KLHL5: variants seen among roughly 807,000 people sequenced by gnomAD.
The protein encoded by KLHL5 is kelch like family member 5.
Under a neutral mutation model 77.7 loss-of-function variants are expected in KLHL5, and 48 were observed. The observed-to-expected ratio is 0.62, with a 90% confidence interval of 0.49 to 0.79. The LOEUF is 0.79. Among genes scored for constraint, KLHL5 ranks in the 30% least tolerant of loss-of-function variants. The pLI, the probability that KLHL5 is intolerant of heterozygous loss-of-function variation, is 0.00. For missense variants in KLHL5, 723 were observed against 859.7 expected (o/e 0.84, Z 1.99); for synonymous variants, 260 against 297.0 (o/e 0.88, Z 1.28).
chr4:39,117,340 G>A (rs112430080), intron 10 of KLHL5, among the ~76,000 whole-genome samples: 2,854 of 152,220 alleles, frequency 0.019, 78 homozygotes, highest in African/African-American at 0.064. Flanking sequence ...AAAGAATGGG[G>A]ATGTGTGAAG....
chr4:39,128,148 C>T (rs1245114395), downstream of KLHL5, among the ~76,000 whole-genome samples: 17 of 152,008 alleles, frequency 1.1e-4, no homozygotes, highest in South Asian at 4.2e-4. Context: ...CCACATATGG[C>T]GGTATATTTT....
intron 5 of KLHL5, chr4:39,093,138 A>C: frequency 2.2e-6 from 1 of 455,964 alleles, no homozygotes. Flanking sequence ...AGATAAAATG[A>C]GGAGTACCCC....
Position 39,124,235 on chromosome 4 carries a change from C to A in KLHL5, c.*3169C>A, listed in dbSNP as rs1723389654. Among the ~76,000 whole-genome samples the A allele has an allele frequency of 6.6e-6, 1 of 152,100 alleles. No homozygotes were observed. Among genetic ancestry groups the A allele is most frequent in the South Asian group, 2.1e-4 (1 of 4,824 alleles). On this transcript the variant is annotated 3_prime_UTR_variant, in exon 11 of 11. Transcript: ENST00000504108. ...AACATTGTTAAGATGGCATTACTCC[C>A]AAAATTAGTCTATAGATTTAATACA...
rs140007123 is a variant in KLHL5 at position 39,121,015 on chromosome 4, T to C, written c.2079T>C (p.Ala693=). ...TATCTCTTTTTCCTTTTTAGGTTGC[T>C]CCACTGTGCCTAGGAAGAGCTGGAG... ...DPQTNEWTQV[A]PLCLGRAGAC... Residue 693 remains alanine (A), a synonymous_variant, in exon 11 of 11, where the codon GCT becomes GCC. Transcript: ENST00000504108. 2.9e-4 allele frequency: 469 copies of C among 1,612,970 alleles called. No homozygotes were observed. The highest frequency in any genetic ancestry group is 3.8e-4 in the Non-Finnish European group (451 of 1,179,008).
At chr4:39,059,002 G>C (rs1408716632), upstream of KLHL5, among the ~76,000 whole-genome samples, 1 of 152,152 alleles carries the variant, frequency 6.6e-6, no homozygotes, top group East Asian at 1.9e-4. Context: ...AATTTACAGA[G>C]AGTAGTCAGT....
At chr4:39,143,059 G>A in the KLHL5 span, among the ~76,000 whole-genome samples, 1 of 152,114 alleles carries the variant, frequency 6.6e-6, no homozygotes, top group Non-Finnish European at 1.5e-5. Context: ...ACACACAAGT[G>A]CATATGTAAC....
intron 1 of KLHL5, among the ~76,000 whole-genome samples, chr4:39,049,780 G>A (rs1231618611): frequency 6.6e-6 from 1 of 151,952 alleles, no homozygotes; most frequent in African/African-American, 2.4e-5. Context: ...AGGATAAAAA[G>A]ATAAATGAGG....
chr4:39,131,365 A>C, downstream of KLHL5, among the ~76,000 whole-genome samples: 1 of 152,228 alleles, frequency 6.6e-6, no homozygotes, highest in East Asian at 1.9e-4. Flanking sequence ...GAAATGGAAT[A>C]TTTTAATTAA....
intron 6 of KLHL5, among the ~76,000 whole-genome samples, chr4:39,100,120 A>C (rs1003944325): frequency 6.6e-6 from 1 of 152,190 alleles, no homozygotes; most frequent in Non-Finnish European, 1.5e-5. Flanking sequence ...TGGTACATGG[A>C]AAGGGAAGGA....
intron 5 of KLHL5, among the ~76,000 whole-genome samples, chr4:39,092,590 A>G (rs529198801): frequency 5.9e-5 from 9 of 152,220 alleles, no homozygotes; most frequent in Non-Finnish European, 1.3e-4. Context: ...TTTTGCGTGC[A>G]TAGAAAAAAA....
intron 5 of KLHL5, among the ~76,000 whole-genome samples, chr4:39,087,831 T>C (rs1720188572): frequency 6.6e-6 from 1 of 152,160 alleles, no homozygotes; most frequent in East Asian, 1.9e-4. Flanking sequence ...GTGTCACAAA[T>C]GTTCTCATAT....
At chr4:39,075,143 C>G (rs1270264203) in intron 1 of KLHL5, among the ~76,000 whole-genome samples, 1 of 151,894 alleles carries the variant, frequency 6.6e-6, no homozygotes. Context: ...ACCAGCCTGA[C>G]CAACATAGAG....
At chr4:39,045,211 G>C in intron 1 of KLHL5, 1 of 971,376 alleles carries the variant, frequency 1.0e-6, no homozygotes, top group Non-Finnish European at 1.2e-6. Flanking sequence ...CGCGGGGCGC[G>C]AAGACGCTGC....
At chr4:39,049,615 T>C (rs1716475669) in intron 1 of KLHL5, among the ~76,000 whole-genome samples, 1 of 152,010 alleles carries the variant, frequency 6.6e-6, no homozygotes, top group African/African-American at 2.4e-5. Flanking sequence ...TGATTGATCA[T>C]TTGTGCTTGG....
At chr4:39,095,450 A>G (rs998762320) in intron 5 of KLHL5, among the ~76,000 whole-genome samples, 2 of 152,104 alleles carry the variant, frequency 1.3e-5, no homozygotes, top group African/African-American at 2.4e-5. Context: ...GTGCACACAC[A>G]TGCATACATA....
intron 5 of KLHL5, among the ~76,000 whole-genome samples, chr4:39,095,433 CAT>C (rs1720968405): frequency 6.6e-6 from 1 of 152,048 alleles, no homozygotes; most frequent in African/African-American, 2.4e-5. Flanking sequence ...CACAGATACA[CAT>C]ATATGTGCAC....
downstream of KLHL5, among the ~76,000 whole-genome samples, chr4:39,130,990 G>A (rs1203909645): frequency 3.4e-5 from 5 of 149,216 alleles, no homozygotes; most frequent in Non-Finnish European, 7.4e-5. Flanking sequence ...CTACAGGCAT[G>A]CACTACCATG....
chr4:39,129,028 G>A (rs189763541), downstream of KLHL5, among the ~76,000 whole-genome samples: 18 of 151,856 alleles, frequency 1.2e-4, no homozygotes, highest in East Asian at 5.8e-4. This position sits in a 1 kb window ranked among gnomAD's most constrained non-coding sequence, Gnocchi z 4.2. Context: ...ATCAGCAAGC[G>A]GGCCCCCATA....
chr4:39,069,183 C>G (rs1718175202), intron 1 of KLHL5, among the ~76,000 whole-genome samples: 1 of 152,052 alleles, frequency 6.6e-6, no homozygotes, highest in Admixed American at 6.6e-5. Flanking sequence ...GCAAGCGACA[C>G]AAGTTGCACA....
Sources: allele counts gnomAD v4.1 joint callset (sites outside exome capture counted in the v4.1 genomes callset), GRCh38; gene constraint gnomAD v4.1.1; non-coding constraint Gnocchi (gnomAD v3.1); transcripts MANE v1.5; gene names NCBI Gene and HGNC (gene_info 2026-07-23, HGNC 2026-07-21).